Variants in HUWE1 observed in about 807,000 individuals in gnomAD.
HUWE1 encodes HECT, UBA and WWE domain containing E3 ubiquitin protein ligase 1, also known as E3 ubiquitin-protein ligase HUWE1.
In HUWE1, 18 loss-of-function variants were observed where a neutral mutation model predicts 299.4. The observed-to-expected ratio is 0.06, with a 90% CI of 0.04 to 0.09. The LOEUF (loss-of-function observed/expected upper bound fraction) is 0.09. HUWE1 is among the 10% of genes least tolerant of loss of function. The probability of loss-of-function intolerance (pLI) is 1.00; values close to 1 mark genes in which losing one functional copy is unlikely to be tolerated. For synonymous variants in HUWE1, 1,317 were observed against 1,286.1 expected (o/e 1.02, Z -0.51); for missense variants, 1,832 against 3,462.3 (o/e 0.53, Z 11.82).
chrX:53,620,726 C>T (rs1557011688), intron 19 of HUWE1, among the ~76,000 whole-genome samples: 1 of 111,996 alleles, frequency 8.9e-6, no homozygotes, highest in African/African-American at 3.3e-5. Flanking sequence ...TTTCTAGCCT[C>T]AAAATGAGAT....
In HUWE1 at chrX:53,574,098, A is replaced by G. The variant is rs1262991183; in HGVS notation, c.6098-134T>C. ...AAACTGAATGCTCTCGTGACACTGC[A>G]GTGCAAGAGCAGAGAACCAGGATAA... is the stretch of plus-strand genomic sequence containing the variant. On this transcript the variant is annotated intron_variant, in intron 46 of 83. Transcript: ENST00000262854. 1.2e-4 allele frequency: 66 copies of G among 531,494 alleles called. No homozygotes were observed. The South Asian group carries it at 1.7e-3, about 14-fold the overall frequency. The allele number at this position is 531,494 out of a possible 1,213,427, so 43.8% of individuals were successfully genotyped here.
rs371151715 is a variant in HUWE1 at position 53,555,283 on chromosome X, A to G, written c.8207-363T>C. On this transcript the variant is annotated intron_variant, in intron 60 of 83. Coordinates refer to ENST00000262854, the MANE Select transcript of HUWE1 (RefSeq NM_031407.7). ...CTACCAAAATCCTATTGATCCTCCC[A>G]CTTCATCTATTTGGAGCAAGAAATG... Among the ~76,000 whole-genome samples the G allele has an allele frequency of 3.6e-5, 4 of 111,950 alleles. No homozygotes were observed. In the East Asian group the frequency reaches 1.1e-3, roughly 31 times the overall value.
At chrX:53,637,024 A>G (rs1277075780) in intron 7 of HUWE1, among the ~76,000 whole-genome samples, 1 of 112,600 alleles carries the variant, frequency 8.9e-6, no homozygotes, top group Non-Finnish European at 1.9e-5. Context: ...CAATGCTTGT[A>G]TAACTTCATG....
intron 19 of HUWE1, among the ~76,000 whole-genome samples, chrX:53,623,518 C>A (rs965509164): frequency 8.9e-6 from 1 of 111,783 alleles, no homozygotes; most frequent in Non-Finnish European, 1.9e-5. Context: ...AACACAAAAC[C>A]TCTGCTAACT....
chrX:53,575,192 G>A lies in HUWE1; in HGVS notation c.6060C>T (p.Ser2020=). 1 of 1,206,337 alleles carries A rather than the reference G, an allele frequency of 8.3e-7. No homozygotes were observed. Among genetic ancestry groups the A allele is most frequent in the South Asian group, 1.8e-5 (1 of 56,229 alleles). The change falls in exon 46 of 84, where the codon TCC becomes TCT. Residue 2020 remains serine (S), a synonymous_variant. Coordinates refer to ENST00000262854, the MANE Select transcript of HUWE1 (RefSeq NM_031407.7). ...AGGTCCCAGATGCGGAAGTCTCAGT[G>A]GAGGCACCATCTGCAGCAAAGACCT... ...NSQVFAADGA[S]TETSASGTSQ... is the part of the protein sequence containing the mutation.
intron 48 of HUWE1, 27 bp from the exon 49 acceptor site, chrX:53,568,901 T>G (rs1556948108): frequency 8.7e-7 from 1 of 1,146,446 alleles, no homozygotes; most frequent in East Asian, 3.1e-5. Flanking sequence ...GACATCTCTA[T>G]CATATGAATA....
intron 44 of HUWE1, among the ~76,000 whole-genome samples, chrX:53,576,319 C>T (rs1450923605): frequency 1.8e-5 from 2 of 111,702 alleles, no homozygotes; most frequent in African/African-American, 3.3e-5. Context: ...TAATGGAAAC[C>T]TATGTTCCAA....
chrX:53,548,541 A>G (rs1024452785), intron 67 of HUWE1, among the ~76,000 whole-genome samples: 9 of 112,887 alleles, frequency 8.0e-5, no homozygotes, highest in Non-Finnish European at 1.5e-4. Context: ...ACTTCCTTGC[A>G]AAGTTGTTGG....
At chrX:53,657,760 C>T (rs1284181496) in intron 3 of HUWE1, among the ~76,000 whole-genome samples, 1 of 110,701 alleles carries the variant, frequency 9.0e-6, no homozygotes, top group African/African-American at 3.3e-5. Context: ...ATACAAAAGT[C>T]AATTGCTGGC....
chrX:53,611,639 G>A (rs782473061), intron 23 of HUWE1, among the ~76,000 whole-genome samples: 26 of 110,888 alleles, frequency 2.3e-4, no homozygotes, highest in Admixed American at 9.6e-5. Context: ...GGCCGAAGTG[G>A]GTGGATCACA....
In HUWE1 at chrX:53,592,499, G is replaced by A; in HGVS notation, c.3871C>T (p.Leu1291=). The change falls in exon 33 of 84, where the codon CTA becomes TTA. Residue 1291 remains leucine (L), a synonymous_variant. Coordinates refer to ENST00000262854, the MANE Select transcript of HUWE1 (RefSeq NM_031407.7). Reference sequence around the variant, plus strand: ...CGAGACCCCTCCTTCTCCTTGCTTAGTCTCTCTCGAATCACAGGTTCTCCT... The same window carrying A: ...CGAGACCCCTCCTTCTCCTTGCTTAATCTCTCTCGAATCACAGGTTCTCCT... The part of the protein sequence containing the change: ...LRGEPVIRER[L]SKEKEGSRGE... 8.3e-7 allele frequency: 1 copy of A among 1,210,140 alleles called. No homozygotes were observed. Among genetic ancestry groups the A allele is most frequent in the Middle Eastern group, 2.3e-4 (1 of 4,352 alleles).
chrX:53,627,697 G>A lies in HUWE1; in HGVS notation c.1383+42C>T, dbSNP rs782496237. The stretch of plus-strand genomic sequence containing the variant: ...CAGGACAATCCTTAGGTTCAGCTCT[G>A]AGTATTAAATTCTGTGCAAAGCATT... On this transcript the variant is annotated intron_variant, in intron 16 of 83. Coordinates refer to ENST00000262854, the MANE Select transcript of HUWE1 (RefSeq NM_031407.7). The A allele has an allele frequency of 4.4e-6, 5 of 1,124,030 alleles. No homozygotes were observed. The Admixed American group carries it at 8.8e-5, about 20-fold the overall frequency. The allele number at this position is 1,124,030 out of a possible 1,213,427, so 92.6% of individuals were successfully genotyped here. A position where few individuals can be genotyped will look rare whatever the true frequency, so the allele number is the denominator to read the frequency against.
intron 29 of HUWE1, among the ~76,000 whole-genome samples, chrX:53,599,389 C>T (rs1219363789): frequency 9.0e-6 from 1 of 111,569 alleles, no homozygotes; most frequent in African/African-American, 3.3e-5. Context: ...TACGAAGGGC[C>T]CCAGATTCCT....
chrX:53,552,504 A>G (rs2061807911), intron 62 of HUWE1, 63 bp from the exon 63 acceptor site: 1 of 1,199,380 alleles, frequency 8.3e-7, no homozygotes, highest in African/African-American at 1.8e-5. Flanking sequence ...AAACACTGCT[A>G]CAATACCCCT....
chrX:53,552,183 T>A, intron 63 of HUWE1, 128 bp downstream of exon 63: 1 of 767,858 alleles, frequency 1.3e-6, no homozygotes, highest in Admixed American at 2.5e-5. Flanking sequence ...CACCCCCGCT[T>A]ATTGTCAGTC....
rs1240042162 is a variant in HUWE1 at position 53,631,498 on chromosome X, A to AT, written c.694-17_694-16insA. 6 of 1,177,084 alleles carry AT rather than the reference A, an allele frequency of 5.1e-6. No homozygotes were observed. Among genetic ancestry groups the AT allele is most frequent in the Non-Finnish European group, 6.9e-6 (6 of 864,376 alleles). On this transcript the variant is annotated splice_polypyrimidine_tract_variant and intron_variant, in intron 10 of 83. Transcript: ENST00000262854. ...TTTCTGAAATCTACATTAAAAAAAA[A>AT]GATATAGTTAGGAACAAAAAGTGAA...
At position 53,683,351 on chromosome X, in the gene HUWE1, T is replaced by C. The variant is rs782553170; in HGVS notation, c.-163+2919A>G. On this transcript the variant is annotated intron_variant, in intron 2 of 83. Transcript: ENST00000262854. ...AGCCTTAGCTCTAAAACCGCGAGAG[T>C]TGGCGAAGATGACCCCACCTCGAGA... Among the ~76,000 whole-genome samples the C allele has an allele frequency of 1.0e-4, 11 of 110,123 alleles. No individual in the cohort carries two copies. In the East Asian group the frequency reaches 1.4e-3, roughly 14 times the overall value.
At chrX:53,614,804 C>T in intron 22 of HUWE1, 59 bp from the exon 23 acceptor site, 1 of 816,385 alleles carries the variant, frequency 1.2e-6, no homozygotes, top group Non-Finnish European at 1.8e-6. Context: ...GAGGAGGAGA[C>T]AGCTAACATA....
chrX:53,651,134 TC>T lies in HUWE1; in HGVS notation c.46-2825del, dbSNP rs782558444. 2.7e-5 allele frequency among the ~76,000 whole-genome samples: 3 copies of T among 109,387 alleles called. No homozygotes were observed. In the South Asian group the frequency reaches 1.2e-3, roughly 44 times the overall value. 95.0% of individuals were successfully genotyped at this position (109,387 alleles called of 115,157 possible). A position where few individuals can be genotyped will look rare whatever the true frequency, so the allele number is the denominator to read the frequency against. ...ATTTTCCCCAGCTTGTCATGTGTCT[TC>T]CCCCTCCCCCACCCCACCTGAGCTT... is the stretch of plus-strand genomic sequence containing the variant. On this transcript the variant is annotated intron_variant, in intron 4 of 83. Coordinates refer to ENST00000262854, the MANE Select transcript of HUWE1 (RefSeq NM_031407.7).
Sources: gnomAD v4.1 joint callset for allele counts (sites outside exome capture counted in the v4.1 genomes callset) on GRCh38, gnomAD v4.1.1 for gene constraint, MANE v1.5 for transcripts, NCBI Gene and HGNC (gene_info 2026-07-23, HGNC 2026-07-21) for gene names.